The following CDC42BPB variants were observed in gnomAD, a reference collection of about 807,000 sequenced individuals.
CDC42BPB encodes serine/threonine-protein kinase MRCK beta.
Under a neutral mutation model 214.9 loss-of-function variants are expected in CDC42BPB, and 37 were observed. The ratio of observed to expected loss-of-function variants is 0.17; its 90% CI spans 0.13 to 0.23. The LOEUF is 0.23. Among genes scored for constraint, CDC42BPB ranks in the 10% least tolerant of loss-of-function variants. CDC42BPB has a pLI of 1.00. For synonymous variants in CDC42BPB, 931 were observed against 884.0 expected (o/e 1.05, Z -0.94); for missense variants, 1,694 against 2,227.0 (o/e 0.76, Z 4.82).
At position 102,954,176 on chromosome 14, in the gene CDC42BPB, C is replaced by T. The variant is rs753877319; in HGVS notation, c.3066+22G>A. On this transcript the variant is annotated intron_variant, in intron 23 of 36. Coordinates refer to ENST00000361246, the MANE Select transcript of CDC42BPB (RefSeq NM_006035.4). ...CAACTAAATAACTAAGAAGGCGCCC[C>T]GGGTGAAAGCAAGGCCCCTACCTTC... 7.5e-5 allele frequency: 112 copies of T among 1,498,706 alleles called. No individual in the cohort carries two copies. In the African/African-American group the frequency reaches 1.4e-3, roughly 19 times the overall value. The allele number at this position is 1,498,706 out of a possible 1,614,324, so 92.8% of individuals were successfully genotyped here. A position where few individuals can be genotyped will look rare whatever the true frequency, so the allele number is the denominator to read the frequency against.
chr14:103,041,328 A>G (rs1350990047), intron 1 of CDC42BPB: 1 of 455,912 alleles, frequency 2.2e-6, no homozygotes, highest in African/African-American at 2.0e-5. Flanking sequence ...AACTCTTAGA[A>G]GAAAACACAT....
Position 102,944,079 on chromosome 14 carries a change from T to G in CDC42BPB, c.4220A>C (p.Asn1407Thr). The change falls in exon 30 of 37, where the codon AAC becomes ACC. Residue 1407 changes from asparagine to threonine, a missense_variant. Asn to Thr is a moderately conservative substitution (Grantham distance 65, BLOSUM62 0). Transcript: ENST00000361246. This position sits in a 1 kb window ranked among gnomAD's most constrained non-coding sequence, Gnocchi z 6.6. The stretch of plus-strand genomic sequence containing the variant: ...CGAGGGGTCATTGGGATTTACCAGG[T>G]TTAGAGGCTGCCCGTCCCCCTGGAT... ...LSIQGDGQPL[N>T]LVNPNDPSLA... 6.2e-7 allele frequency: 1 copy of G among 1,613,538 alleles called. No individual in the cohort carries two copies. Among genetic ancestry groups the G allele is most frequent in the East Asian group, 2.2e-5 (1 of 44,864 alleles).
At chr14:102,957,537 G>T (rs1428791297) in intron 21 of CDC42BPB, among the ~76,000 whole-genome samples, 1 of 152,194 alleles carries the variant, frequency 6.6e-6, no homozygotes, top group Admixed American at 6.5e-5. Context: ...GCAGAAACAG[G>T]CTTATCAAAG....
chr14:102,939,275 C>T (rs1891781977), intron 34 of CDC42BPB, among the ~76,000 whole-genome samples: 1 of 152,234 alleles, frequency 6.6e-6, no homozygotes, highest in African/African-American at 2.4e-5. Flanking sequence ...AGAAAGTATG[C>T]TATCTGTTGG....
intron 8 of CDC42BPB, among the ~76,000 whole-genome samples, chr14:102,979,216 G>GTTT (rs749681734): frequency 2.2e-5 from 3 of 138,328 alleles, no homozygotes; most frequent in Non-Finnish European, 1.6e-5. Context: ...AACTTTTCTT[G>GTTT]TTTTTTTTTT....
At position 103,051,426 on chromosome 14, in the gene CDC42BPB, T is replaced by TAAAA. The variant is rs549332515; in HGVS notation, c.175+5569_175+5572dup. On this transcript the variant is annotated intron_variant, in intron 1 of 36. Coordinates refer to ENST00000361246, the MANE Select transcript of CDC42BPB (RefSeq NM_006035.4). ...AACATTGTTTTTAGTCTCTTCCAGC[T>TAAAA]AAAAAAAAAAAAAAAAAAGCTTTGT... 4.2e-3 allele frequency among the ~76,000 whole-genome samples: 339 copies of TAAAA among 80,838 alleles called. 1 individual carries two copies. Among genetic ancestry groups the TAAAA allele is most frequent in the African/African-American group, 0.012 (309 of 26,344 alleles). The allele number at this position is 80,838 out of a possible 152,430, so 53.0% of individuals were successfully genotyped here.
chr14:102,944,449 T>C lies in CDC42BPB; in HGVS notation c.3850A>G (p.Ile1284Val). The change falls in exon 30 of 37, where the codon ATC becomes GTC. Residue 1284 changes from isoleucine (I) to valine (V), a missense_variant. This residue lies in a region of CDC42BPB where 567 missense variants were observed against 790.3 expected (regional missense o/e 0.72). Coordinates refer to ENST00000361246, the MANE Select transcript of CDC42BPB (RefSeq NM_006035.4). This position sits in a 1 kb window ranked among gnomAD's most constrained non-coding sequence, Gnocchi z 6.6. ...ATCTTCTCCCTGGGAGCAAGCTCGATCTGGTGTACCTTCTTACAGTCAGCG... is the reference window on the plus strand; with the variant it reads ...ATCTTCTCCCTGGGAGCAAGCTCGACCTGGTGTACCTTCTTACAGTCAGCG... ...RAADCKKVHQ[I>V]ELAPREKIVI... The C allele has an allele frequency of 6.2e-7, 1 of 1,612,932 alleles. No individual in the cohort carries two copies. Among genetic ancestry groups the C allele is most frequent in the Non-Finnish European group, 8.5e-7 (1 of 1,179,986 alleles).
At chr14:103,024,035 T>C (rs1327746345) in intron 1 of CDC42BPB, among the ~76,000 whole-genome samples, 1 of 152,060 alleles carries the variant, frequency 6.6e-6, no homozygotes, top group Non-Finnish European at 1.5e-5. Flanking sequence ...TGGAGCAGGA[T>C]GAGAAATCGA....
intron 5 of CDC42BPB, among the ~76,000 whole-genome samples, chr14:102,993,565 G>T (rs1894594158): frequency 6.6e-6 from 1 of 151,976 alleles, no homozygotes. Flanking sequence ...GAGGGAGGGA[G>T]GGGAAATGAA....
intron 1 of CDC42BPB, among the ~76,000 whole-genome samples, chr14:103,029,524 C>A: frequency 7.6e-6 from 1 of 131,966 alleles, no homozygotes; most frequent in Non-Finnish European, 1.6e-5. Context: ...GCCTGGGCAA[C>A]AGAGCAAGAC....
intron 31 of CDC42BPB, 33 bp from the exon 32 acceptor site, chr14:102,940,163 C>G: frequency 6.2e-7 from 1 of 1,613,938 alleles, no homozygotes; most frequent in South Asian, 1.1e-5. Flanking sequence ...ACAGTAAGCG[C>G]GGCCACGCAC....
chr14:102,954,180 T>G lies in CDC42BPB; in HGVS notation c.3066+18A>C. Reference sequence around the variant, plus strand: ...TAAATAACTAAGAAGGCGCCCCGGGTGAAAGCAAGGCCCCTACCTTCGGTC... The same window carrying G: ...TAAATAACTAAGAAGGCGCCCCGGGGGAAAGCAAGGCCCCTACCTTCGGTC... On this transcript the variant is annotated intron_variant, in intron 23 of 36. Coordinates refer to ENST00000361246, the MANE Select transcript of CDC42BPB (RefSeq NM_006035.4). The G allele has an allele frequency of 6.6e-7, 1 of 1,521,042 alleles. No individual in the cohort carries two copies. Among genetic ancestry groups the G allele is most frequent in the Non-Finnish European group, 8.9e-7 (1 of 1,120,500 alleles). 94.2% of individuals were successfully genotyped at this position (1,521,042 alleles called of 1,614,324 possible). A position where few individuals can be genotyped will look rare whatever the true frequency, so the allele number is the denominator to read the frequency against.
intron 24 of CDC42BPB, among the ~76,000 whole-genome samples, chr14:102,951,317 C>T (rs1892480051): frequency 6.6e-6 from 1 of 152,224 alleles, no homozygotes; most frequent in Non-Finnish European, 1.5e-5. Context: ...CATCTCTGTT[C>T]ACAGACCCAT....
chr14:102,940,365 C>T (rs763816358), intron 30 of CDC42BPB, 41 bp from the exon 31 acceptor site: 1 of 1,550,504 alleles, frequency 6.4e-7, no homozygotes, highest in Non-Finnish European at 8.7e-7. Flanking sequence ...CACAGTGGCT[C>T]AGGAACTCAC....
rs1891998003 is a variant in CDC42BPB, at chr14:102,943,546, G to C, written c.4408+345C>G. On this transcript the variant is annotated intron_variant, in intron 30 of 36. Coordinates refer to ENST00000361246, the MANE Select transcript of CDC42BPB (RefSeq NM_006035.4). This position sits in a 1 kb window ranked among gnomAD's most constrained non-coding sequence, Gnocchi z 4.6. ...TGTGTAAGTTTCTGTATTATCACGA[G>C]GAAGGCCTTTTAAATGAGAGATGAA... 1.3e-5 allele frequency among the ~76,000 whole-genome samples: 2 copies of C among 152,018 alleles called. No individual in the cohort carries two copies. The highest frequency in any genetic ancestry group is 4.8e-5 in the African/African-American group (2 of 41,388).
At chr14:103,037,856 C>T (rs117911063) in intron 1 of CDC42BPB, among the ~76,000 whole-genome samples, 3,197 of 151,376 alleles carry the variant, frequency 0.021, 37 homozygotes, top group Admixed American at 0.028. Flanking sequence ...CAGTGAAACG[C>T]GTCTCTACTA....
Position 102,967,038 on chromosome 14 carries a change from G to GCAC in CDC42BPB, c.2471+5_2471+7dup. On this transcript the variant is annotated splice_region_variant and intron_variant, in intron 17 of 36. Transcript: ENST00000361246. ...GATTCACGGCCGCTAATGGGGCCGC[G>GCAC]CACGTACCACTGAATGATTTCCGCA... 1 of 1,613,210 alleles carries GCAC rather than the reference G, an allele frequency of 6.2e-7. No individual in the cohort carries two copies. Among genetic ancestry groups the GCAC allele is most frequent in the South Asian group, 1.1e-5 (1 of 91,018 alleles).
chr14:102,940,619 C>T (rs1379591544), intron 30 of CDC42BPB: 2 of 597,402 alleles, frequency 3.3e-6, no homozygotes, highest in Admixed American at 3.4e-5. Flanking sequence ...TTTCATTTAG[C>T]TCTCATGAGA....
rs151236252 is a variant in CDC42BPB at position 103,054,249 on chromosome 14, G to A, written c.175+2750C>T. ...TTCCCCATTAAGCCTCCAAATCTGG[G>A]CTGAATCAGCTACTTTTCTTCCTTA... is the stretch of plus-strand genomic sequence containing the variant. On this transcript the variant is annotated intron_variant, in intron 1 of 36. Coordinates refer to ENST00000361246, the MANE Select transcript of CDC42BPB (RefSeq NM_006035.4). Among the ~76,000 whole-genome samples, 238 of 152,204 alleles carry A rather than the reference G, an allele frequency of 1.6e-3. 2 individuals carry two copies. Among genetic ancestry groups the A allele is most frequent in the African/African-American group, 5.5e-3 (229 of 41,498 alleles).
Sources: gnomAD v4.1 joint callset for allele counts (sites outside exome capture counted in the v4.1 genomes callset) on GRCh38, gnomAD v4.1.1 for gene constraint, gnomAD v4.1.1 regional missense constraint, Gnocchi (gnomAD v3.1) non-coding constraint, MANE v1.5 for transcripts, NCBI Gene and HGNC (gene_info 2026-07-23, HGNC 2026-07-21) for gene names.